Variants in CCSER1 observed in about 807,000 individuals in gnomAD.
CCSER1 encodes coiled-coil serine rich protein 1.
CCSER1 carries 41 observed loss-of-function variants against 82.0 expected under a neutral mutation model. The observed-to-expected ratio is 0.50, with a 90% CI of 0.39 to 0.65. The LOEUF is 0.65. Among genes scored for constraint, CCSER1 ranks in the 30% least tolerant of loss-of-function variants. The pLI is 0.00. For synonymous variants in CCSER1, 414 were observed against 383.9 expected, an observed-to-expected ratio of 1.08 and a Z score of -0.92; for missense variants, 1,119 against 1,064.2, an observed-to-expected ratio of 1.05 and a Z score of -0.72.
At chr4:91,420,439 G>A (rs999713341) in intron 10 of CCSER1, among the ~76,000 whole-genome samples, 1 of 151,990 alleles carries the variant, frequency 6.6e-6, no homozygotes, top group African/African-American at 2.4e-5. Flanking sequence ...ATATAAAAAG[G>A]TACTCAACAT....
intron 10 of CCSER1, among the ~76,000 whole-genome samples, chr4:91,339,987 C>T (rs575771669): frequency 2.1e-4 from 32 of 151,954 alleles, no homozygotes; most frequent in South Asian, 1.9e-3. Flanking sequence ...AGTGGTGGCA[C>T]GCACCTGTAA....
intron 7 of CCSER1, among the ~76,000 whole-genome samples, chr4:90,762,312 CA>C (rs1051176593): frequency 3.3e-5 from 5 of 152,096 alleles, no homozygotes; most frequent in African/African-American, 1.2e-4. Flanking sequence ...CCCCTTTCAC[CA>C]TGATCATAAG....
chr4:90,689,258 G>T (rs751885426), intron 6 of CCSER1, among the ~76,000 whole-genome samples: 1 of 151,958 alleles, frequency 6.6e-6, no homozygotes, highest in Non-Finnish European at 1.5e-5. Context: ...TCCTCTCTGG[G>T]GATAACTAAG....
chr4:91,585,610 C>A (rs79976643), intron 10 of CCSER1, among the ~76,000 whole-genome samples: 29 of 151,468 alleles, frequency 1.9e-4, no homozygotes, highest in East Asian at 3.9e-4. Context: ...GAATTAAATT[C>A]TGGGTTGTGA....
chr4:90,864,076 C>A (rs143705014), intron 8 of CCSER1, among the ~76,000 whole-genome samples: 232 of 150,760 alleles, frequency 1.5e-3, no homozygotes, highest in African/African-American at 5.5e-3. Context: ...TCATTTCCAT[C>A]TTTTCCATGT....
chr4:91,398,607 T>C (rs1386957448), intron 10 of CCSER1, among the ~76,000 whole-genome samples: 1 of 151,752 alleles, frequency 6.6e-6, no homozygotes, highest in African/African-American at 2.4e-5. Flanking sequence ...GAGAGCATAG[T>C]GTAGGGGAAA....
chr4:90,848,368 GGC>G (rs1390137866), intron 8 of CCSER1, among the ~76,000 whole-genome samples: 1 of 152,226 alleles, frequency 6.6e-6, no homozygotes, highest in African/African-American at 2.4e-5. Context: ...AGATATAAGT[GGC>G]AATAGCAGAA....
rs950341400 is a variant in CCSER1, at chr4:90,832,157, A to G, written c.2094+16312A>G. ...GTTATCTTTTATCATTTGTCTATTA[A>G]AACAAGCATATATTAAATGGATTGC... On this transcript the variant is annotated intron_variant, in intron 8 of 10. Coordinates refer to ENST00000509176, the MANE Select transcript of CCSER1 (RefSeq NM_001145065.2). 1.3e-4 allele frequency among the ~76,000 whole-genome samples: 20 copies of G among 152,190 alleles called. 1 individual carries two copies. Among genetic ancestry groups the G allele is most frequent in the Admixed American group, 1.1e-3 (17 of 15,284 alleles).
chr4:90,341,756 A>T (rs932202715), intron 3 of CCSER1, among the ~76,000 whole-genome samples: 2 of 152,176 alleles, frequency 1.3e-5, no homozygotes. Context: ...CACCAAATAC[A>T]GTTAATAAAT....
At chr4:90,344,230 T>C (rs1741930952) in intron 3 of CCSER1, among the ~76,000 whole-genome samples, 1 of 152,246 alleles carries the variant, frequency 6.6e-6, no homozygotes, top group Non-Finnish European at 1.5e-5. Context: ...CCACTCTTTT[T>C]TACAGTCGAA....
At chr4:90,595,161 G>T (rs1036212444) in intron 5 of CCSER1, among the ~76,000 whole-genome samples, 1 of 151,720 alleles carries the variant, frequency 6.6e-6, no homozygotes, top group African/African-American at 2.4e-5. Flanking sequence ...ATGTAATTTC[G>T]AATGCAATGT....
rs1295445698 is a variant in CCSER1 at position 91,010,633 on chromosome 4, G to T, written c.2173-75317G>T. On this transcript the variant is annotated intron_variant, in intron 9 of 10. Coordinates refer to ENST00000509176, the MANE Select transcript of CCSER1 (RefSeq NM_001145065.2). ...TATTTCATTTTTATCCTCTGACTGG[G>T]TAATTTTACATGATGTATCTTCAAG... Among the ~76,000 whole-genome samples the T allele has an allele frequency of 2.2e-5, 3 of 134,590 alleles. No homozygotes were observed. In the East Asian group the frequency reaches 7.1e-4, roughly 32 times the overall value. The allele number at this position is 134,590 out of a possible 152,430, so 88.3% of individuals were successfully genotyped here. A position where few individuals can be genotyped will look rare whatever the true frequency, so the allele number is the denominator to read the frequency against.
intron 3 of CCSER1, among the ~76,000 whole-genome samples, chr4:90,369,599 A>G (rs1261141563): frequency 6.6e-6 from 1 of 152,028 alleles, no homozygotes; most frequent in Non-Finnish European, 1.5e-5. Context: ...TCAAAAATGC[A>G]GTTCACTCCA....
rs1405661113 is a variant in CCSER1 at position 90,518,435 on chromosome 4, A to G, written c.1724+50081A>G. Among the ~76,000 whole-genome samples the G allele has an allele frequency of 2.0e-5, 3 of 152,084 alleles. No individual in the cohort carries two copies. In the East Asian group the frequency reaches 5.8e-4, roughly 29 times the overall value. On this transcript the variant is annotated intron_variant, in intron 5 of 10. Coordinates refer to ENST00000509176, the MANE Select transcript of CCSER1 (RefSeq NM_001145065.2). ...CATTATTTTCTACTAGGATATTAAC[A>G]ATAGAGTTTTAAACATCTTTTGTAA...
intron 8 of CCSER1, among the ~76,000 whole-genome samples, chr4:90,822,612 C>T (rs1245071494): frequency 1.3e-5 from 2 of 151,612 alleles, no homozygotes; most frequent in Non-Finnish European, 2.9e-5. Flanking sequence ...CCTGTAATCC[C>T]AGCCACTCCC....
At chr4:91,179,221 G>C (rs1291163619) in intron 10 of CCSER1, among the ~76,000 whole-genome samples, 1 of 152,094 alleles carries the variant, frequency 6.6e-6, no homozygotes. Flanking sequence ...CTTTCTGTCT[G>C]GCTGCCCTTA....
rs540971635 is a variant in CCSER1, at chr4:91,370,929, T to C, written c.2218-227643T>C. ...CAGGTTGGAGTGCTATAGTGTGATC[T>C]TGGCTCACTGCAACCTCCGCCTCCT... On this transcript the variant is annotated intron_variant, in intron 10 of 10. Coordinates refer to ENST00000509176, the MANE Select transcript of CCSER1 (RefSeq NM_001145065.2). Among the ~76,000 whole-genome samples the C allele has an allele frequency of 1.1e-4, 17 of 152,184 alleles. No homozygotes were observed. The East Asian group carries it at 3.1e-3, about 28-fold the overall frequency.
intron 10 of CCSER1, among the ~76,000 whole-genome samples, chr4:91,315,923 T>C (rs1349771536): frequency 1.3e-5 from 2 of 151,986 alleles, no homozygotes; most frequent in Non-Finnish European, 2.9e-5. Flanking sequence ...TCATCTTGAA[T>C]TGTACCTCCC....
chr4:90,659,526 T>C (rs7683075), intron 6 of CCSER1, among the ~76,000 whole-genome samples: 77,273 of 151,160 alleles, frequency 0.51, 19,903 homozygotes, highest in Middle Eastern at 0.66. Context: ...ACCACCAACA[T>C]CACCACTGCT....
Sources: allele counts gnomAD v4.1 joint callset (sites outside exome capture counted in the v4.1 genomes callset), GRCh38; gene constraint gnomAD v4.1.1; transcripts MANE v1.5; gene names NCBI Gene and HGNC (gene_info 2026-07-23, HGNC 2026-07-21).